Variants in GALNTL6 observed in about 807,000 individuals in gnomAD.
GALNTL6 encodes polypeptide N-acetylgalactosaminyltransferase-like 6.
Under a neutral mutation model 73.7 loss-of-function variants are expected in GALNTL6, and 46 were observed. The observed-to-expected ratio is 0.62, with a 90% confidence interval of 0.49 to 0.80. The LOEUF (loss-of-function observed/expected upper bound fraction) is 0.80, where lower values mean the gene tolerates loss of function less well. Among genes scored for constraint, GALNTL6 ranks in the 30% least tolerant of loss-of-function variants. The pLI is 0.00. For missense variants in GALNTL6, 604 were observed against 755.0 expected, an observed-to-expected ratio of 0.80 and a Z score of 2.34; for synonymous variants, 259 against 263.7, an observed-to-expected ratio of 0.98 and a Z score of 0.17.
chr4:172,249,392 C>A (rs1231683040), intron 3 of GALNTL6, among the ~76,000 whole-genome samples: 1 of 152,180 alleles, frequency 6.6e-6, no homozygotes, highest in Non-Finnish European at 1.5e-5. Flanking sequence ...TGAAAATTTG[C>A]AGCCTGATGA....
chr4:172,939,648 G>A (rs929372967), intron 9 of GALNTL6, among the ~76,000 whole-genome samples: 9 of 152,106 alleles, frequency 5.9e-5, no homozygotes, highest in African/African-American at 2.2e-4. Flanking sequence ...GTTAGATCAA[G>A]CCGCCCCTTT....
rs144092100 is a variant in GALNTL6, at chr4:172,497,475, A to G, written c.553+148786A>G. On this transcript the variant is annotated intron_variant, in intron 5 of 12. Coordinates refer to ENST00000506823, the MANE Select transcript of GALNTL6 (RefSeq NM_001034845.3). The stretch of plus-strand genomic sequence containing the variant: ...TGAATGTGAAAAACAACAAAGCTTG[A>G]AAAACCCTCTAATACATCATTTAAT... 2.6e-3 allele frequency among the ~76,000 whole-genome samples: 398 copies of G among 152,346 alleles called. 3 individuals are homozygous for G. Among genetic ancestry groups the G allele is most frequent in the African/African-American group, 8.7e-3 (360 of 41,580 alleles).
chr4:172,783,938 G>A (rs1739511133), intron 5 of GALNTL6, among the ~76,000 whole-genome samples: 2 of 152,028 alleles, frequency 1.3e-5, no homozygotes, highest in Admixed American at 1.3e-4. Context: ...GTTAGAAGCT[G>A]GTAAGATTGT....
At chr4:172,675,484 G>T (rs1318458178) in intron 5 of GALNTL6, among the ~76,000 whole-genome samples, 1 of 152,198 alleles carries the variant, frequency 6.6e-6, no homozygotes, top group Non-Finnish European at 1.5e-5. Flanking sequence ...TGTGTGCATG[G>T]TGGCACTGGA....
intron 2 of GALNTL6, among the ~76,000 whole-genome samples, chr4:172,216,244 T>C (rs968162863): frequency 1.3e-5 from 2 of 152,162 alleles, no homozygotes; most frequent in Non-Finnish European, 2.9e-5. Flanking sequence ...TAAATTCTCT[T>C]AGTTTTTGTT....
chr4:172,221,175 A>C (rs1022395513), intron 2 of GALNTL6, among the ~76,000 whole-genome samples: 1 of 151,852 alleles, frequency 6.6e-6, no homozygotes, highest in Admixed American at 6.6e-5. Context: ...AAAAAAGATC[A>C]TAGCTTTTTC....
chr4:172,899,856 G>A (rs146286108), intron 8 of GALNTL6, among the ~76,000 whole-genome samples: 113 of 152,256 alleles, frequency 7.4e-4, no homozygotes, highest in African/African-American at 2.5e-3. Flanking sequence ...ACTTCCTACC[G>A]TTGCCATGGC....
At chr4:172,472,234 C>T (rs1733079721) in intron 5 of GALNTL6, among the ~76,000 whole-genome samples, 2 of 152,154 alleles carry the variant, frequency 1.3e-5, no homozygotes, top group African/African-American at 4.8e-5. Flanking sequence ...TAGTTTGATT[C>T]TCATGCTAGC....
chr4:172,754,875 C>A (rs535822837), intron 5 of GALNTL6, among the ~76,000 whole-genome samples: 2 of 149,534 alleles, frequency 1.3e-5, no homozygotes, highest in African/African-American at 4.9e-5. Flanking sequence ...GAAAACAGAT[C>A]AAAGCTCCTT....
chr4:172,235,560 A>T (rs1039328289), intron 3 of GALNTL6, among the ~76,000 whole-genome samples: 1 of 152,118 alleles, frequency 6.6e-6, no homozygotes, highest in Non-Finnish European at 1.5e-5. Context: ...GACTCTGTTC[A>T]TCTATTTTAT....
intron 2 of GALNTL6, among the ~76,000 whole-genome samples, chr4:171,864,552 A>T (rs906624870): frequency 2.6e-4 from 39 of 152,334 alleles, no homozygotes; most frequent in African/African-American, 7.7e-4. Flanking sequence ...CCTGATAGTC[A>T]TACCACACAG....
At chr4:172,252,817 CGT>C (rs1560990960) in intron 3 of GALNTL6, among the ~76,000 whole-genome samples, 2 of 151,238 alleles carry the variant, frequency 1.3e-5, no homozygotes, top group Non-Finnish European at 2.9e-5. Flanking sequence ...TGGTACCTTA[CGT>C]TCATGTAAAA....
intron 2 of GALNTL6, among the ~76,000 whole-genome samples, chr4:171,950,537 G>A (rs1256048104): frequency 6.7e-6 from 1 of 149,372 alleles, no homozygotes; most frequent in Admixed American, 6.8e-5. Flanking sequence ...CTGGAGTGCA[G>A]TGGCTCGATC....
At chr4:171,882,275 T>A (rs1261687794) in intron 2 of GALNTL6, among the ~76,000 whole-genome samples, 1 of 152,232 alleles carries the variant, frequency 6.6e-6, no homozygotes, top group East Asian at 1.9e-4. Context: ...TTATTTACAG[T>A]GTACTTGCCT....
chr4:172,616,911 G>A (rs1391014111), intron 5 of GALNTL6, among the ~76,000 whole-genome samples: 1 of 152,110 alleles, frequency 6.6e-6, no homozygotes, highest in East Asian at 1.9e-4. Context: ...CTCAAGAAGA[G>A]CTATTCCCCT....
chr4:172,321,577 T>G (rs1740756895), intron 4 of GALNTL6, among the ~76,000 whole-genome samples: 1 of 152,198 alleles, frequency 6.6e-6, no homozygotes, highest in Non-Finnish European at 1.5e-5. Flanking sequence ...GGTATTAAGA[T>G]AATGTTTCAT....
intron 4 of GALNTL6, among the ~76,000 whole-genome samples, chr4:172,328,887 G>T (rs535288084): frequency 2.0e-5 from 3 of 152,244 alleles, no homozygotes; most frequent in Non-Finnish European, 4.4e-5. Flanking sequence ...TCCTGGTTAA[G>T]AACCCTTGGA....
intron 5 of GALNTL6, among the ~76,000 whole-genome samples, chr4:172,767,061 A>G (rs1232491340): frequency 6.6e-6 from 1 of 152,218 alleles, no homozygotes; most frequent in Non-Finnish European, 1.5e-5. Flanking sequence ...ATTTGCATCT[A>G]AGTTCTTGAA....
intron 3 of GALNTL6, among the ~76,000 whole-genome samples, chr4:172,300,656 C>G (rs1739877521): frequency 1.3e-5 from 2 of 152,074 alleles, no homozygotes. Flanking sequence ...ATTTGAAATT[C>G]TGGGTTGAAA....
Sources: gnomAD v4.1 joint callset for allele counts (sites outside exome capture counted in the v4.1 genomes callset) on GRCh38, gnomAD v4.1.1 for gene constraint, MANE v1.5 for transcripts, NCBI Gene and HGNC (gene_info 2026-07-23, HGNC 2026-07-21) for gene names.